FMN1: variants seen among roughly 807,000 people sequenced by gnomAD.
The protein encoded by FMN1 is formin 1.
A neutral mutation model predicts 132.4 loss-of-function variants in FMN1; 110 were observed. The observed-to-expected ratio is 0.83, with a 90% CI of 0.71 to 0.97. The LOEUF is 0.97. FMN1 is among the 50% of genes least tolerant of loss of function. The pLI is 0.00. For missense variants in FMN1, 1,792 were observed against 1,705.3 expected (o/e 1.05, Z -0.90); for synonymous variants, 722 against 651.7 (o/e 1.11, Z -1.64).
At chr15:33,147,480 A>G (rs190114121) in intron 4 of FMN1, among the ~76,000 whole-genome samples, 3 of 152,254 alleles carry the variant, frequency 2.0e-5, no homozygotes, top group African/African-American at 7.2e-5. Flanking sequence ...AAGGCTGTGC[A>G]TATAGCCAAA....
At chr15:32,831,901 C>A (rs1433717529) in intron 17 of FMN1, among the ~76,000 whole-genome samples, 1 of 152,096 alleles carries the variant, frequency 6.6e-6, no homozygotes, top group Non-Finnish European at 1.5e-5. Context: ...TAGAAACTGG[C>A]ACCAGGGATT....
chr15:32,817,628 T>A (rs1019430331), intron 17 of FMN1, among the ~76,000 whole-genome samples: 4 of 152,214 alleles, frequency 2.6e-5, no homozygotes, highest in African/African-American at 9.6e-5. Context: ...TTTTCCACAT[T>A]AAAGAACATT....
intron 6 of FMN1, among the ~76,000 whole-genome samples, chr15:33,008,351 A>G (rs920329897): frequency 1.3e-5 from 2 of 152,208 alleles, no homozygotes; most frequent in African/African-American, 4.8e-5. Context: ...TGTGTTCCAG[A>G]TAAACACTAG....
Position 32,798,808 on chromosome 15 carries a change from C to G in FMN1, c.4126G>C (p.Glu1376Gln), listed in dbSNP as rs752686636. The change falls in exon 19 of 21, where the codon GAA (glutamate) becomes CAA (glutamine). Residue 1376 changes from glutamate (E) to glutamine (Q), a missense_variant. By Grantham distance (29) the Glu-to-Gln change is conservative. This residue lies in a region of FMN1 where 1,150 missense variants were observed against 1,043.1 expected (regional missense o/e 1.10). Coordinates refer to ENST00000616417, the MANE Select transcript of FMN1 (RefSeq NM_001277313.2). Reference protein sequence around the residue: ...WKRESKNISKERLKMAQESVS... With the variant: ...WKRESKNISKQRLKMAQESVS... ...AAATCTTTTTTTGAACCTTACCTTT[C>G]TTTAGATATGTTTTTACTCTCCCGT... 9 of 1,611,008 alleles carry G rather than the reference C, an allele frequency of 5.6e-6. No individual in the cohort carries two copies. The highest frequency in any genetic ancestry group is 2.2e-5 in the South Asian group (2 of 90,310).
At chr15:33,123,766 A>C (rs1204639988) in intron 4 of FMN1, among the ~76,000 whole-genome samples, 2 of 152,192 alleles carry the variant, frequency 1.3e-5, no homozygotes, top group East Asian at 1.9e-4. Context: ...CCACTACGTA[A>C]AGTTTCTTAG....
At chr15:33,038,559 G>A (rs1398168416) in intron 6 of FMN1, among the ~76,000 whole-genome samples, 2 of 152,080 alleles carry the variant, frequency 1.3e-5, no homozygotes, top group Admixed American at 6.6e-5. Context: ...TTAATTTTAG[G>A]TTTACTTCTG....
chr15:32,883,728 C>T (rs2059828313), intron 16 of FMN1, among the ~76,000 whole-genome samples: 2 of 151,978 alleles, frequency 1.3e-5, no homozygotes, highest in South Asian at 2.1e-4. Context: ...ACAACTTATG[C>T]TCTGTAAAAA....
At position 32,771,291 on chromosome 15, in the gene FMN1, G is replaced by A. The variant is rs1404669457; in HGVS notation, c.*3019C>T. 1.3e-5 allele frequency: 2 copies of A among 151,646 alleles called. No individual in the cohort carries two copies. Among genetic ancestry groups the A allele is most frequent in the African/African-American group, 4.9e-5 (2 of 41,204 alleles). 9.4% of individuals were successfully genotyped at this position (151,646 alleles called of 1,614,324 possible). On this transcript the variant is annotated 3_prime_UTR_variant, in exon 21 of 21. Transcript: ENST00000616417. ...GATGGGGTTTCACCGTGTTAGCCAG[G>A]ATGGTCTCAATCTCCTGACCTCGTG...
chr15:33,148,650 T>C (rs574857793), intron 4 of FMN1, among the ~76,000 whole-genome samples: 9 of 151,986 alleles, frequency 5.9e-5, no homozygotes, highest in African/African-American at 2.2e-4. Context: ...TCCATTAATC[T>C]CCCCTGTCTG....
chr15:33,039,119 A>G (rs527814639), intron 6 of FMN1, among the ~76,000 whole-genome samples: 1 of 152,354 alleles, frequency 6.6e-6, no homozygotes, highest in South Asian at 2.1e-4. Flanking sequence ...GATTTAAATA[A>G]AAATTCAATA....
chr15:33,012,995 A>T, intron 6 of FMN1: 2 of 434,912 alleles, frequency 4.6e-6, no homozygotes, highest in Admixed American at 5.3e-5. Flanking sequence ...GGTGGAAGCC[A>T]GTACTTTGCC....
In FMN1 at chr15:32,968,765, C is replaced by G; in HGVS notation, c.2936G>C (p.Ser979Thr). The G allele has an allele frequency of 6.2e-7, 1 of 1,611,722 alleles. No homozygotes were observed. The highest frequency in any genetic ancestry group is 8.5e-7 in the Non-Finnish European group (1 of 1,179,150). The part of the protein sequence containing the change: ...QCPRKPAIEP[S>T]CPMKPLYWTR... ...CCAATATAAAGGCTTCATGGGACAA[C>G]TGGGCTCGATGGCTGGTTTTCGAGG... The change falls in exon 8 of 21, where the codon AGT becomes ACT. Residue 979 changes from serine (S) to threonine (T), a missense_variant. This residue lies in a region of FMN1 where 1,150 missense variants were observed against 1,043.1 expected (regional missense o/e 1.10). Coordinates refer to ENST00000616417, the MANE Select transcript of FMN1 (RefSeq NM_001277313.2).
chr15:33,122,403 A>G (rs1201763019), intron 4 of FMN1, among the ~76,000 whole-genome samples: 2 of 152,134 alleles, frequency 1.3e-5, no homozygotes, highest in Non-Finnish European at 2.9e-5. Context: ...GCCTGGTGGG[A>G]AAGTAAGGTA....
intron 11 of FMN1, 53 bp from the exon 12 acceptor site, chr15:32,908,631 G>A (rs1057003595): frequency 1.1e-5 from 12 of 1,099,134 alleles, no homozygotes; most frequent in Non-Finnish European, 1.6e-5. Context: ...AAAGGGAAGT[G>A]AGACTCTGGC....
At chr15:32,793,182 C>T (rs747638080) in intron 19 of FMN1, among the ~76,000 whole-genome samples, 3 of 152,036 alleles carry the variant, frequency 2.0e-5, no homozygotes, top group Non-Finnish European at 4.4e-5. Flanking sequence ...TTTAGTTTAT[C>T]CTCTCTCCTT....
At chr15:33,169,659 G>A (rs191823557) in intron 3 of FMN1, among the ~76,000 whole-genome samples, 7 of 150,098 alleles carry the variant, frequency 4.7e-5, no homozygotes, top group East Asian at 2.0e-4. Flanking sequence ...TATATAATAA[G>A]TATAGCAAAT....
intron 7 of FMN1, among the ~76,000 whole-genome samples, chr15:32,991,824 G>T (rs1419393952): frequency 6.6e-6 from 1 of 152,138 alleles, no homozygotes; most frequent in Admixed American, 6.5e-5. Context: ...AAAGGCCACA[G>T]GCATTATATG....
At chr15:33,031,534 A>C (rs2141067655) in intron 6 of FMN1, among the ~76,000 whole-genome samples, 1 of 152,006 alleles carries the variant, frequency 6.6e-6, no homozygotes, top group East Asian at 1.9e-4. Context: ...TCCCCATTAA[A>C]CCTTTAGCAA....
At chr15:32,824,021 T>G (rs1312793949) in intron 17 of FMN1, among the ~76,000 whole-genome samples, 3 of 152,186 alleles carry the variant, frequency 2.0e-5, no homozygotes, top group Non-Finnish European at 2.9e-5. Flanking sequence ...GCATGTGTGA[T>G]TAAATAAGAT....
Sources: allele counts gnomAD v4.1 joint callset (sites outside exome capture counted in the v4.1 genomes callset), GRCh38; gene constraint gnomAD v4.1.1; regional missense constraint gnomAD v4.1.1; transcripts MANE v1.5; gene names NCBI Gene and HGNC (gene_info 2026-07-23, HGNC 2026-07-21).